TPCN1: variants seen among roughly 807,000 people sequenced by gnomAD.
TPCN1 encodes the protein two pore segment channel 1.
A neutral mutation model predicts 108.8 loss-of-function variants in TPCN1; 52 were observed. The ratio of observed to expected loss-of-function variants is 0.48; its 90% CI spans 0.38 to 0.60. The LOEUF (loss-of-function observed/expected upper bound fraction) is 0.60. TPCN1 is among the 20% of genes least tolerant of loss of function. The pLI is 0.00. For missense variants in TPCN1, 806 were observed against 1,072.8 expected, an observed-to-expected ratio of 0.75 and a Z score of 3.47; for synonymous variants, 446 against 433.7, an observed-to-expected ratio of 1.03 and a Z score of -0.35.
chr12:113,258,772 T>A (rs1022587648), intron 2 of TPCN1, among the ~76,000 whole-genome samples: 3 of 151,980 alleles, frequency 2.0e-5, no homozygotes, highest in African/African-American at 7.2e-5. Context: ...CAGAGTGAGA[T>A]CTTGTGTCTT....
chr12:113,224,598 A>T (rs990637800), intron 1 of TPCN1, among the ~76,000 whole-genome samples: 1 of 151,758 alleles, frequency 6.6e-6, no homozygotes, highest in Non-Finnish European at 1.5e-5. Flanking sequence ...GGGTTTCACC[A>T]TGTTAGCCAG....
chr12:113,263,772 T>C (rs1955135972), intron 3 of TPCN1, among the ~76,000 whole-genome samples: 1 of 152,240 alleles, frequency 6.6e-6, no homozygotes, highest in Admixed American at 6.5e-5. Flanking sequence ...CTCATTTCTG[T>C]GTGGACTTGG....
intron 3 of TPCN1, 119 bp downstream of exon 3, chr12:113,260,611 C>T (rs778308286): frequency 4.2e-5 from 53 of 1,274,632 alleles, no homozygotes; most frequent in Middle Eastern, 2.7e-4. Flanking sequence ...TGCTGCTGCT[C>T]GTGTGTGAGC....
At chr12:113,292,283 G>A in intron 25 of TPCN1, 1 of 340,708 alleles carries the variant, frequency 2.9e-6, no homozygotes, top group Non-Finnish European at 5.4e-6. Flanking sequence ...CTCCTTCTTG[G>A]CTATTTCTTC....
intron 2 of TPCN1, among the ~76,000 whole-genome samples, chr12:113,258,162 T>TGTTTTTA (rs1408013636): frequency 6.6e-6 from 1 of 152,164 alleles, no homozygotes; most frequent in Non-Finnish European, 1.5e-5. Flanking sequence ...TTAGCGAAAC[T>TGTTTTTA]GTTTTTAAAA....
At chr12:113,290,021 C>T in intron 21 of TPCN1, 107 bp from the exon 22 acceptor site, 1 of 718,778 alleles carries the variant, frequency 1.4e-6, no homozygotes, top group Non-Finnish European at 2.4e-6. Flanking sequence ...GCGGGCAGAA[C>T]AGAAGGATCC....
intron 2 of TPCN1, among the ~76,000 whole-genome samples, chr12:113,242,711 C>T (rs929612863): frequency 6.6e-6 from 1 of 152,206 alleles, no homozygotes. Context: ...GTTGAAGTCT[C>T]TGTGCTCTCT....
chr12:113,273,769 C>T lies in TPCN1; in HGVS notation c.942+101C>T. 3.1e-6 allele frequency: 3 copies of T among 967,070 alleles called. No homozygotes were observed. The highest frequency in any genetic ancestry group is 5.0e-6 in the Non-Finnish European group (3 of 600,190). The allele number at this position is 967,070 out of a possible 1,614,324, so 59.9% of individuals were successfully genotyped here. A position where few individuals can be genotyped will look rare whatever the true frequency, so the allele number is the denominator to read the frequency against. On this transcript the variant is annotated intron_variant, in intron 10 of 27. Coordinates refer to ENST00000335509, the MANE Select transcript of TPCN1 (RefSeq NM_017901.6). This position sits in a 1 kb window ranked among gnomAD's most constrained non-coding sequence, Gnocchi z 4.0. ...GAAGTGGGGACTGTCTTCTGCCTCT[C>T]AGGGCAGAACGTTGGGGCAGGAAGT...
At chr12:113,242,626 T>C (rs1199447965) in intron 2 of TPCN1, among the ~76,000 whole-genome samples, 1 of 152,238 alleles carries the variant, frequency 6.6e-6, no homozygotes, top group Non-Finnish European at 1.5e-5. Context: ...CACTGCGTCA[T>C]CCTGGTCACT....
In TPCN1 at chr12:113,284,794, C is replaced by T. The variant is rs754279029; in HGVS notation, c.1453+23C>T. ...CTAGTACGTTTCCGACATGGCTTTG[C>T]TGGACTGCTTGTTTTAAAATTGTCT... On this transcript the variant is annotated intron_variant, in intron 17 of 27. Transcript: ENST00000335509. The surrounding 1 kb of genome is among the most constrained non-coding windows in gnomAD (Gnocchi z 4.1). 3 of 1,613,548 alleles carry T rather than the reference C, an allele frequency of 1.9e-6. No individual in the cohort carries two copies. The highest frequency in any genetic ancestry group is 1.7e-6 in the Non-Finnish European group (2 of 1,179,436).
rs1031195114 is a variant in TPCN1 at position 113,253,444 on chromosome 12, G to A, written c.113-6924G>A. Among the ~76,000 whole-genome samples the A allele has an allele frequency of 9.2e-5, 14 of 152,332 alleles. No individual in the cohort carries two copies. The East Asian group carries it at 2.3e-3, about 25-fold the overall frequency. ...GTTTGCAGTTTGAGCAGGGCTTGGT[G>A]GAGTTGTCTTTTTGCTGTTGTACGT... is the stretch of plus-strand genomic sequence containing the variant. On this transcript the variant is annotated intron_variant, in intron 2 of 27. Transcript: ENST00000335509.
chr12:113,248,745 G>T lies in TPCN1; in HGVS notation c.113-11623G>T, dbSNP rs79837275. Among the ~76,000 whole-genome samples, 630 of 152,270 alleles carry T rather than the reference G, an allele frequency of 4.1e-3. 2 individuals carry two copies. Among genetic ancestry groups the T allele is most frequent in the Non-Finnish European group, 5.1e-3 (349 of 68,018 alleles). Reference sequence around the variant, plus strand: ...ATCAAGGGAGGCTGGGGCACGTTTGGGGCAGAGGAGTGATACCATTTGGCT... The same window carrying T: ...ATCAAGGGAGGCTGGGGCACGTTTGTGGCAGAGGAGTGATACCATTTGGCT... On this transcript the variant is annotated intron_variant, in intron 2 of 27. Coordinates refer to ENST00000335509, the MANE Select transcript of TPCN1 (RefSeq NM_017901.6).
intron 22 of TPCN1, 30 bp from the exon 23 acceptor site, chr12:113,290,922 A>G: frequency 6.2e-7 from 1 of 1,612,492 alleles, no homozygotes; most frequent in East Asian, 2.2e-5. Flanking sequence ...GGGTCTCATC[A>G]GGATGCTTCT....
intron 2 of TPCN1, among the ~76,000 whole-genome samples, chr12:113,258,237 C>T (rs1281284325): frequency 3.3e-5 from 5 of 152,126 alleles, no homozygotes; most frequent in African/African-American, 9.7e-5. Context: ...GAGGCCCAGG[C>T]GGGTGGATCA....
At chr12:113,223,336 A>G (rs2136419586) in intron 1 of TPCN1, among the ~76,000 whole-genome samples, 1 of 152,192 alleles carries the variant, frequency 6.6e-6, no homozygotes, top group South Asian at 2.1e-4. Context: ...TGACTAGGTC[A>G]GTTGGGAGGC....
chr12:113,291,753 G>C, intron 24 of TPCN1, 76 bp downstream of exon 24: 1 of 1,583,078 alleles, frequency 6.3e-7, no homozygotes, highest in Non-Finnish European at 8.7e-7. Context: ...TCAGCCTGCA[G>C]CGTCAGGGAG....
Position 113,296,376 on chromosome 12 carries a change from G to C in TPCN1, c.*300G>C, listed in dbSNP as rs1433925603. The C allele has an allele frequency of 2.7e-6, 1 of 365,760 alleles. No individual in the cohort carries two copies. Among genetic ancestry groups the C allele is most frequent in the African/African-American group, 2.0e-5 (1 of 49,532 alleles). 22.7% of individuals were successfully genotyped at this position (365,760 alleles called of 1,614,324 possible). On this transcript the variant is annotated 3_prime_UTR_variant, in exon 28 of 28. Transcript: ENST00000335509. ...CCTCACCTGGATCCAGTCGACTGCG[G>C]GGCTTGCCCCTCATGTGGGCTGGCC...
intron 2 of TPCN1, among the ~76,000 whole-genome samples, chr12:113,256,557 T>G (rs1313898314): frequency 6.6e-6 from 1 of 152,204 alleles, no homozygotes; most frequent in African/African-American, 2.4e-5. Flanking sequence ...ATCTTTGTTT[T>G]TATTTTTCTT....
chr12:113,290,152 C>T lies in TPCN1; in HGVS notation c.1821C>T (p.Tyr607=), dbSNP rs770450302. 1 of 1,601,304 alleles carries T rather than the reference C, an allele frequency of 6.2e-7. No homozygotes were observed. The highest frequency in any genetic ancestry group is 8.5e-7 in the Non-Finnish European group (1 of 1,173,594). ...CCNTSTVADA[Y]RWRNHTVGNR... is the part of the protein sequence containing the mutation. Reference sequence around the variant, plus strand: ...GCACGAGTACAGTGGCAGATGCCTACCGCTGGCGCAACCACACCGTGGGCA... The same window carrying T: ...GCACGAGTACAGTGGCAGATGCCTATCGCTGGCGCAACCACACCGTGGGCA... Residue 607 remains tyrosine, a synonymous_variant, in exon 22 of 28, where the codon TAC becomes TAT. Transcript: ENST00000335509.
Sources: allele counts gnomAD v4.1 joint callset (sites outside exome capture counted in the v4.1 genomes callset), GRCh38; gene constraint gnomAD v4.1.1; non-coding constraint Gnocchi (gnomAD v3.1); transcripts MANE v1.5; gene names NCBI Gene and HGNC (gene_info 2026-07-23, HGNC 2026-07-21).